TSEN2: variants seen among roughly 807,000 people sequenced by gnomAD.
TSEN2 encodes the protein tRNA splicing endonuclease subunit 2.
A neutral mutation model predicts 59.2 loss-of-function variants in TSEN2; 54 were observed. The ratio of observed to expected loss-of-function variants is 0.91; its 90% CI spans 0.73 to 1.14. The LOEUF is 1.14. TSEN2 is among the 50% of genes most tolerant of loss of function. The probability of loss-of-function intolerance (pLI) is 0.00; values close to 1 mark genes in which losing one functional copy is unlikely to be tolerated. For synonymous variants in TSEN2, 195 were observed against 198.2 expected (o/e 0.98, Z 0.14); for missense variants, 636 against 576.2 (o/e 1.10, Z -1.06).
chr3:12,513,132 A>C (rs142471832), intron 6 of TSEN2, among the ~76,000 whole-genome samples: 30 of 152,338 alleles, frequency 2.0e-4, no homozygotes, highest in Middle Eastern at 3.4e-3. Context: ...TAGATGATCA[A>C]AGCCAGTCAC....
chr3:12,487,915 TTAATC>T (rs2052787290), intron 1 of TSEN2, among the ~76,000 whole-genome samples: 1 of 152,228 alleles, frequency 6.6e-6, no homozygotes, highest in Non-Finnish European at 1.5e-5. Flanking sequence ...TATTTAGAAA[TTAATC>T]TAGCATGTTG....
chr3:12,501,430 C>G (rs1224770956), intron 4 of TSEN2, among the ~76,000 whole-genome samples: 1 of 152,132 alleles, frequency 6.6e-6, no homozygotes, highest in Non-Finnish European at 1.5e-5. Context: ...GGATACAATT[C>G]CCAGTATATA....
chr3:12,519,289 G>A (rs1445573618), intron 8 of TSEN2, 92 bp downstream of exon 8: 2 of 1,541,128 alleles, frequency 1.3e-6, no homozygotes, highest in Non-Finnish European at 1.8e-6. Context: ...TGTTGATGAT[G>A]TTTTCTAAGA....
chr3:12,527,381 G>A (rs945495311), intron 8 of TSEN2, among the ~76,000 whole-genome samples: 5 of 151,006 alleles, frequency 3.3e-5, no homozygotes, highest in Non-Finnish European at 5.9e-5. Flanking sequence ...CAGGATTGAT[G>A]TGTCCAAAAA....
chr3:12,490,024 G>C (rs1459484504), intron 2 of TSEN2, 35 bp downstream of exon 2: 2 of 1,602,308 alleles, frequency 1.2e-6, no homozygotes, highest in East Asian at 2.2e-5. Context: ...ATTACTTTCA[G>C]ACAACCCTGA....
downstream of TSEN2, among the ~76,000 whole-genome samples, chr3:12,535,007 C>A (rs1295345003): frequency 2.6e-5 from 4 of 152,028 alleles, no homozygotes; most frequent in Non-Finnish European, 2.9e-5. Context: ...TTCATTGTTA[C>A]TTATTGACAA....
intron 6 of TSEN2, among the ~76,000 whole-genome samples, chr3:12,508,929 T>C (rs1404460522): frequency 6.6e-6 from 1 of 151,996 alleles, no homozygotes; most frequent in East Asian, 1.9e-4. Context: ...GGCACCATCA[T>C]AGCTCACTGA....
At chr3:12,537,168 T>G (rs1453409309), downstream of TSEN2, among the ~76,000 whole-genome samples, 2 of 152,148 alleles carry the variant, frequency 1.3e-5, no homozygotes, top group Admixed American at 6.5e-5. Flanking sequence ...CCCAGCACTT[T>G]GGGAGGCTTA....
chr3:12,486,635 C>T (rs2052642031), intron 1 of TSEN2, among the ~76,000 whole-genome samples: 2 of 152,160 alleles, frequency 1.3e-5, no homozygotes, highest in African/African-American at 4.8e-5. Flanking sequence ...AGTTATGTAA[C>T]CATTACCATC....
intron 4 of TSEN2, among the ~76,000 whole-genome samples, chr3:12,502,314 G>C (rs1015261787): frequency 2.0e-5 from 3 of 152,190 alleles, no homozygotes; most frequent in African/African-American, 7.2e-5. Context: ...GGGAGGCCAA[G>C]GCGGTCGGAT....
intron 10 of TSEN2, 142 bp from the exon 11 acceptor site, chr3:12,531,428 G>T: frequency 1.6e-6 from 1 of 634,548 alleles, no homozygotes; most frequent in Non-Finnish European, 2.9e-6. Context: ...GGTTTCCCCA[G>T]GAGGAAACTG....
chr3:12,520,272 A>G (rs753640941), intron 8 of TSEN2, among the ~76,000 whole-genome samples: 8 of 152,162 alleles, frequency 5.3e-5, no homozygotes, highest in African/African-American at 1.2e-4. Context: ...TGCTGGGATT[A>G]TAGGTGTGAG....
chr3:12,522,478 G>A (rs140210974), intron 8 of TSEN2, among the ~76,000 whole-genome samples: 51 of 152,318 alleles, frequency 3.3e-4, no homozygotes, highest in Admixed American at 8.5e-4. Context: ...CTCTGCATAA[G>A]CAAAGGTTCT....
chr3:12,503,171 G>A (rs1225978556), intron 4 of TSEN2, 91 bp from the exon 5 acceptor site: 2 of 1,419,522 alleles, frequency 1.4e-6, no homozygotes, highest in South Asian at 1.2e-5. Flanking sequence ...AAACATTTTG[G>A]TGTGTCACCT....
chr3:12,536,729 G>A (rs1179808227), downstream of TSEN2, among the ~76,000 whole-genome samples: 3 of 152,168 alleles, frequency 2.0e-5, no homozygotes, highest in Non-Finnish European at 2.9e-5. Context: ...GGCCAGGCGC[G>A]GTGGCTCATG....
intron 2 of TSEN2, among the ~76,000 whole-genome samples, chr3:12,491,524 T>C (rs1036740814): frequency 6.6e-6 from 1 of 152,158 alleles, no homozygotes; most frequent in Non-Finnish European, 1.5e-5. Flanking sequence ...TCCCGAACCA[T>C]ATGTAGAGAA....
At chr3:12,483,338 TG>T (rs1433068739), upstream of TSEN2, among the ~76,000 whole-genome samples, 1 of 152,176 alleles carries the variant, frequency 6.6e-6, no homozygotes, top group East Asian at 1.9e-4. Context: ...TGAGCTGAGA[TG>T]GTGCCACTGC....
At chr3:12,529,347 A>G (rs965996940) in intron 9 of TSEN2, among the ~76,000 whole-genome samples, 1 of 152,020 alleles carries the variant, frequency 6.6e-6, no homozygotes, top group Non-Finnish European at 1.5e-5. Context: ...GGCGCCTGTA[A>G]TCTCAGCTAC....
chr3:12,505,199 A>G lies in TSEN2; in HGVS notation c.877A>G (p.Ile293Val), dbSNP rs1299525536. 6.2e-7 allele frequency: 1 copy of G among 1,612,134 alleles called. No homozygotes were observed. Among genetic ancestry groups the G allele is most frequent in the African/African-American group, 1.3e-5 (1 of 74,822 alleles). The change falls in exon 6 of 12, where the codon ATC (isoleucine) becomes GTC (valine). Residue 293 changes from isoleucine to valine, a missense_variant. Transcript: ENST00000284995. ...AATATGCAGAAGAAATCCATATAGG[A>G]TCTTTGAGTATTTGCAACTCAGCCT... is the stretch of plus-strand genomic sequence containing the variant. ...RLICRRNPYR[I>V]FEYLQLSLEE...
Sources: allele counts gnomAD v4.1 joint callset (sites outside exome capture counted in the v4.1 genomes callset), GRCh38; gene constraint gnomAD v4.1.1; transcripts MANE v1.5; gene names NCBI Gene and HGNC (gene_info 2026-07-23, HGNC 2026-07-21).